MSI2: variants seen among roughly 807,000 people sequenced by gnomAD.
MSI2 encodes RNA-binding protein Musashi homolog 2.
MSI2 carries 17 observed loss-of-function variants against 45.6 expected under a neutral mutation model. The observed-to-expected ratio is 0.37, with a 90% CI of 0.26 to 0.56. The LOEUF is 0.56. Ranked by LOEUF, MSI2 falls within the 20% of genes least tolerant of loss-of-function variation. MSI2 has a pLI of 0.77. For synonymous variants in MSI2, 156 were observed against 158.2 expected, an observed-to-expected ratio of 0.99 and a Z score of 0.11; for missense variants, 293 against 444.2, an observed-to-expected ratio of 0.66 and a Z score of 3.06.
At chr17:57,356,290 C>A (rs890235929) in intron 5 of MSI2, among the ~76,000 whole-genome samples, 3 of 152,112 alleles carry the variant, frequency 2.0e-5, no homozygotes, top group Non-Finnish European at 2.9e-5. Flanking sequence ...TCTTTTTTGG[C>A]GGGCATGTTT....
intron 6 of MSI2, among the ~76,000 whole-genome samples, chr17:57,507,645 TC>T (rs2086265973): frequency 6.6e-6 from 1 of 151,850 alleles, no homozygotes; most frequent in Admixed American, 6.6e-5. Flanking sequence ...AGAAGGGAAT[TC>T]CCCACCCCCC....
intron 5 of MSI2, among the ~76,000 whole-genome samples, chr17:57,372,373 C>T (rs943556823): frequency 2.0e-5 from 3 of 152,122 alleles, no homozygotes; most frequent in East Asian, 1.9e-4. Context: ...TCCAAGAAAC[C>T]GCCACCACAG....
At chr17:57,425,956 G>T (rs749257837) in intron 6 of MSI2, among the ~76,000 whole-genome samples, 6 of 152,100 alleles carry the variant, frequency 3.9e-5, no homozygotes, top group Non-Finnish European at 8.8e-5. Context: ...TCTGAAATTT[G>T]TCATATGGAA....
downstream of MSI2, among the ~76,000 whole-genome samples, chr17:57,688,899 ACT>A (rs988511432): frequency 5.3e-5 from 8 of 152,150 alleles, 1 homozygote; most frequent in African/African-American, 1.9e-4. Flanking sequence ...TTTAAGTGTG[ACT>A]CTATGAAAAT....
chr17:57,368,508 T>G (rs1257592796), intron 5 of MSI2, among the ~76,000 whole-genome samples: 2 of 152,034 alleles, frequency 1.3e-5, no homozygotes, highest in Non-Finnish European at 2.9e-5. Context: ...TGAGCAGAGA[T>G]CTCACCACTG....
At chr17:57,346,027 A>G (rs1447327039) in intron 5 of MSI2, among the ~76,000 whole-genome samples, 1 of 152,160 alleles carries the variant, frequency 6.6e-6, no homozygotes, top group Non-Finnish European at 1.5e-5. Context: ...GAGAAGGTGA[A>G]AGGTGAGAGA....
At chr17:57,585,018 A>G (rs1349331910) in intron 7 of MSI2, among the ~76,000 whole-genome samples, 1 of 152,020 alleles carries the variant, frequency 6.6e-6, no homozygotes, top group African/African-American at 2.4e-5. Context: ...GGGTTTCACC[A>G]TGTTGGCCAG....
intron 6 of MSI2, among the ~76,000 whole-genome samples, chr17:57,429,427 C>G (rs770970654): frequency 1.3e-5 from 2 of 152,226 alleles, no homozygotes; most frequent in African/African-American, 4.8e-5. Context: ...TCCAGTGACT[C>G]CTGCTGCCGC....
intron 10 of MSI2, among the ~76,000 whole-genome samples, chr17:57,651,874 C>T (rs1911175591): frequency 6.6e-6 from 1 of 152,240 alleles, no homozygotes. Context: ...GAACCAGCTT[C>T]TGGGGTGACA....
chr17:57,537,510 T>C (rs1204472150), intron 7 of MSI2, among the ~76,000 whole-genome samples: 1 of 152,156 alleles, frequency 6.6e-6, no homozygotes, highest in African/African-American at 2.4e-5. Context: ...AATAACCAAT[T>C]AAAAGGGTAG....
At chr17:57,488,597 C>T (rs2085802381) in intron 6 of MSI2, among the ~76,000 whole-genome samples, 2 of 152,030 alleles carry the variant, frequency 1.3e-5, no homozygotes, top group South Asian at 2.1e-4. Context: ...CCAAGGTGGG[C>T]GTATCACCTG....
chr17:57,627,391 T>TGTAAGAAATGCA lies in MSI2; in HGVS notation c.727+88_727+89insGTAAGAAATGCA. 2 of 1,117,740 alleles carry TGTAAGAAATGCA rather than the reference T, an allele frequency of 1.8e-6. No homozygotes were observed. Among genetic ancestry groups the TGTAAGAAATGCA allele is most frequent in the Non-Finnish European group, 1.4e-6 (1 of 730,290 alleles). 69.2% of individuals were successfully genotyped at this position (1,117,740 alleles called of 1,614,324 possible). On this transcript the variant is annotated intron_variant, in intron 10 of 13. Coordinates refer to ENST00000284073, the MANE Select transcript of MSI2 (RefSeq NM_138962.4). The surrounding 1 kb of genome is among the most constrained non-coding windows in gnomAD (Gnocchi z 4.6). The stretch of plus-strand genomic sequence containing the variant: ...TGAGAGGACCCCTAAAGAGAATGCA[T>TGTAAGAAATGCA]TTCTTACATGCATCCACTTGAAAAT...
chr17:57,560,862 A>AT (rs1474251265), intron 7 of MSI2, among the ~76,000 whole-genome samples: 1 of 152,182 alleles, frequency 6.6e-6, no homozygotes, highest in African/African-American at 2.4e-5. Flanking sequence ...CAAGTAATGC[A>AT]TTGTGGGTTT....
At chr17:57,269,186 T>A (rs918806451) in intron 5 of MSI2, among the ~76,000 whole-genome samples, 3 of 152,068 alleles carry the variant, frequency 2.0e-5, no homozygotes, top group Admixed American at 6.5e-5. Context: ...AAGGTCAGGG[T>A]GTGCAGGTGT....
rs565415980 is a variant in MSI2 at position 57,505,905 on chromosome 17, C to T, written c.406-23771C>T. Among the ~76,000 whole-genome samples the T allele has an allele frequency of 2.0e-5, 3 of 152,296 alleles. No homozygotes were observed. The South Asian group carries it at 6.2e-4, about 32-fold the overall frequency. On this transcript the variant is annotated intron_variant, in intron 6 of 13. Transcript: ENST00000284073. ...AATGAGTTTTCCTTTGCAGGTAAAG[C>T]AGTTTTATTCTGTAGCTGAGACTTC...
intron 8 of MSI2, among the ~76,000 whole-genome samples, chr17:57,614,893 A>G (rs1273459965): frequency 6.6e-6 from 1 of 152,184 alleles, no homozygotes; most frequent in Non-Finnish European, 1.5e-5. Flanking sequence ...GAAATTTGAG[A>G]GTCAGAAGGG....
At chr17:57,617,447 G>C (rs1254058144) in intron 9 of MSI2, among the ~76,000 whole-genome samples, 1 of 152,202 alleles carries the variant, frequency 6.6e-6, no homozygotes, top group Non-Finnish European at 1.5e-5. Flanking sequence ...GAATGCACCA[G>C]TTGATAGAAA....
chr17:57,473,044 C>G (rs977411367), intron 6 of MSI2, among the ~76,000 whole-genome samples: 4 of 8,526 alleles, frequency 4.7e-4, no homozygotes, highest in Admixed American at 1.6e-3. Flanking sequence ...AGGCGCCTGA[C>G]ACCATGTCTA....
At chr17:57,414,674 A>G (rs2084261288) in intron 6 of MSI2, among the ~76,000 whole-genome samples, 1 of 152,226 alleles carries the variant, frequency 6.6e-6, no homozygotes, top group African/African-American at 2.4e-5. Flanking sequence ...TGCTGGGATT[A>G]CAGGCATGAG....
Sources: gnomAD v4.1 joint callset for allele counts (sites outside exome capture counted in the v4.1 genomes callset) on GRCh38, gnomAD v4.1.1 for gene constraint, Gnocchi (gnomAD v3.1) non-coding constraint, MANE v1.5 for transcripts, NCBI Gene and HGNC (gene_info 2026-07-23, HGNC 2026-07-21) for gene names.